Variants in KRT86 observed in about 807,000 individuals in gnomAD.
KRT86 encodes the protein keratin, type II cuticular Hb6.
A neutral mutation model predicts 41.2 loss-of-function variants in KRT86; 30 were observed. The ratio of observed to expected loss-of-function variants is 0.73; its 90% confidence interval spans 0.54 to 0.99. The LOEUF (loss-of-function observed/expected upper bound fraction) is 0.99. KRT86 is among the 50% of genes least tolerant of loss of function. The pLI is 0.00. For missense variants in KRT86, 561 were observed against 571.4 expected, an observed-to-expected ratio of 0.98 and a Z score of 0.19; for synonymous variants, 238 against 238.1, an observed-to-expected ratio of 1.00 and a Z score of 0.00.
intron 9 of KRT86, chr12:52,306,704 T>C (rs1174411114): frequency 3.6e-6 from 1 of 280,950 alleles, no homozygotes; most frequent in Non-Finnish European, 6.8e-6. Context: ...TTCAGATAGA[T>C]GACACTATCA....
At chr12:52,296,238 A>G (rs995761681) in intron 2 of KRT86, among the ~76,000 whole-genome samples, 2 of 152,130 alleles carry the variant, frequency 1.3e-5, no homozygotes, top group African/African-American at 4.8e-5. Flanking sequence ...CTTAGGAGAT[A>G]GTCAGGAAGA....
rs898864333 is a variant in KRT86, at chr12:52,308,104, G to A, written c.1248-129G>A. Reference sequence around the variant, plus strand: ...CCCGAGTCTACACTGGCTCCTGGCCGAGAGCATTTCTTGCCCCTTCCCTTG... The same window carrying A: ...CCCGAGTCTACACTGGCTCCTGGCCAAGAGCATTTCTTGCCCCTTCCCTTG... On this transcript the variant is annotated intron_variant, in intron 9 of 10. Transcript: ENST00000423955. 80 of 1,243,850 alleles carry A rather than the reference G, an allele frequency of 6.4e-5. No individual in the cohort carries two copies. The African/African-American group carries it at 1.1e-3, about 17-fold the overall frequency. The allele number at this position is 1,243,850 out of a possible 1,614,324, so 77.1% of individuals were successfully genotyped here.
chr12:52,297,480 C>T (rs1042371320), intron 2 of KRT86, among the ~76,000 whole-genome samples: 10 of 152,144 alleles, frequency 6.6e-5, no homozygotes, highest in African/African-American at 1.9e-4. Context: ...CTAGTCTAAG[C>T]GATCAACTAT....
At chr12:52,285,585 T>C (rs1483235555) in intron 2 of KRT86, among the ~76,000 whole-genome samples, 3 of 152,084 alleles carry the variant, frequency 2.0e-5, no homozygotes, top group Non-Finnish European at 4.4e-5. Flanking sequence ...ACAGCTGCAG[T>C]TTAGTGAAAT....
At chr12:52,280,656 G>A (rs1450717838) in intron 2 of KRT86, among the ~76,000 whole-genome samples, 4 of 152,204 alleles carry the variant, frequency 2.6e-5, no homozygotes, top group Non-Finnish European at 5.9e-5. Flanking sequence ...ACCCTCCTGA[G>A]GGGTAGGGGG....
In KRT86 at chr12:52,305,382, C is replaced by A. The variant is rs376319970; in HGVS notation, c.878C>A (p.Ala293Asp). 233 of 1,614,108 alleles carry A rather than the reference C, an allele frequency of 1.4e-4. No homozygotes were observed. The highest frequency in any genetic ancestry group is 1.9e-4 in the Non-Finnish European group (221 of 1,180,052). The change falls in exon 7 of 11, where the codon GCC becomes GAC. Residue 293 changes from alanine (A) to aspartate (D), a missense_variant. By Grantham distance (126) the Ala-to-Asp change is moderately radical. Coordinates refer to ENST00000423955, the MANE Select transcript of KRT86 (RefSeq NM_001320198.2). ...ATTGTCACCCGTAGCCGGGCTGAGG[C>A]CGAGTCCTGGTACCGCAGCAAGGTG... ...DDIVTRSRAE[A>D]ESWYRSKCEE...
At chr12:52,291,934 G>A (rs1477252763) in intron 2 of KRT86, among the ~76,000 whole-genome samples, 1 of 152,084 alleles carries the variant, frequency 6.6e-6, no homozygotes, top group African/African-American at 2.4e-5. Context: ...GGGGTTTCAG[G>A]AAAGGCTGAG....
At chr12:52,285,274 C>A (rs1937888995) in intron 2 of KRT86, among the ~76,000 whole-genome samples, 1 of 152,020 alleles carries the variant, frequency 6.6e-6, no homozygotes, top group Non-Finnish European at 1.5e-5. Context: ...CCCCTCTATG[C>A]CACATCATCT....
At chr12:52,286,399 G>A (rs750725979) in intron 2 of KRT86, 35 of 1,554,976 alleles carry the variant, frequency 2.3e-5, no homozygotes, top group East Asian at 7.3e-5. Context: ...CCACGTTCCC[G>A]TTGCACGGAG....
intron 2 of KRT86, among the ~76,000 whole-genome samples, chr12:52,299,135 C>CTG (rs1938315130): frequency 6.6e-6 from 1 of 152,186 alleles, no homozygotes; most frequent in African/African-American, 2.4e-5. Flanking sequence ...TGGTAACCAT[C>CTG]ATTCTACTCT....
chr12:52,308,687 C>G lies in KRT86; in HGVS notation c.*102C>G. 8.9e-7 allele frequency: 1 copy of G among 1,126,258 alleles called. No individual in the cohort carries two copies. The highest frequency in any genetic ancestry group is 2.0e-5 in the Admixed American group (1 of 49,122). The allele number at this position is 1,126,258 out of a possible 1,614,324, so 69.8% of individuals were successfully genotyped here. A position where few individuals can be genotyped will look rare whatever the true frequency, so the allele number is the denominator to read the frequency against. On this transcript the variant is annotated 3_prime_UTR_variant, in exon 11 of 11. Coordinates refer to ENST00000423955, the MANE Select transcript of KRT86 (RefSeq NM_001320198.2). ...CCCGCGCCGGCCTCCCAATAGCCGC[C>G]GCCCGCTGCCTGCACTCTAAGCGCC...
chr12:52,306,308 C>T (rs1332216034), intron 9 of KRT86, 28 bp downstream of exon 9: 1 of 1,612,888 alleles, frequency 6.2e-7, no homozygotes, highest in East Asian at 2.2e-5. Flanking sequence ...TTCCCTTTCC[C>T]AGCCCTGCCA....
chr12:52,301,944 C>A lies in KRT86; in HGVS notation c.28C>A (p.Arg10Ser), dbSNP rs758877634. 56 of 1,613,710 alleles carry A rather than the reference C, an allele frequency of 3.5e-5. No individual in the cohort carries two copies. The highest frequency in any genetic ancestry group is 4.4e-5 in the Non-Finnish European group (52 of 1,179,788). Residue 10 changes from arginine (R) to serine (S), a missense_variant, in exon 3 of 11, where the codon CGC becomes AGC. Physicochemically the swap from Arg to Ser is moderately radical, Grantham distance 110. This residue lies in a region of KRT86 where 164 missense variants were observed against 172.5 expected (regional missense o/e 0.95). Transcript: ENST00000423955. MTCGSYCGG[R>S]AFSCISACGP... ...GACTTGTGGATCTTACTGTGGTGGC[C>A]GCGCCTTCAGCTGCATCTCGGCCTG...
Position 52,308,454 on chromosome 12 carries a change from A to G in KRT86, c.1330A>G (p.Thr444Ala), listed in dbSNP as rs1272959992. ...GVVCGDLCAS[T>A]TAPVVSTRVS... ...TGTCTGTGGCGATCTCTGCGCCTCC[A>G]CTACTGCCCCTGTTGTCTCCACCAG... is the stretch of plus-strand genomic sequence containing the variant. Residue 444 changes from threonine (T) to alanine (A), a missense_variant, in exon 11 of 11, where the codon ACT becomes GCT. By Grantham distance (58) the Thr-to-Ala change is moderately conservative. This residue lies in a region of KRT86 where 397 missense variants were observed against 375.9 expected (regional missense o/e 1.06). Transcript: ENST00000423955. 2 of 1,611,718 alleles carry G rather than the reference A, an allele frequency of 1.2e-6. No individual in the cohort carries two copies. The highest frequency in any genetic ancestry group is 1.7e-6 in the Non-Finnish European group (2 of 1,179,798).
chr12:52,288,128 C>T lies in KRT86; in HGVS notation c.-5+12182C>T, dbSNP rs551734514. On this transcript the variant is annotated intron_variant, in intron 2 of 10. Transcript: ENST00000423955. ...CAACCACGGAGGTGTCTGAGATGTGCGACTGGAGAATGAGGATCTCCTGCA... is the reference window on the plus strand; with the variant it reads ...CAACCACGGAGGTGTCTGAGATGTGTGACTGGAGAATGAGGATCTCCTGCA... 26 of 1,613,980 alleles carry T rather than the reference C, an allele frequency of 1.6e-5. No individual in the cohort carries two copies. In the East Asian group the frequency reaches 2.7e-4, roughly 17 times the overall value.
chr12:52,276,170 G>A (rs73307328), intron 2 of KRT86, among the ~76,000 whole-genome samples: 1,829 of 152,320 alleles, frequency 0.012, 30 homozygotes, highest in African/African-American at 0.041. Context: ...AAATCTGTAT[G>A]AAGATATATG....
Position 52,291,228 on chromosome 12 carries a change from T to C in KRT86, c.-4-10685T>C, listed in dbSNP as rs1302625801. Reference sequence around the variant, plus strand: ...AGGAGGCTCTCGTTGACCGACACGGTGGTGATGCATGGGGGACTGGGCCCG... The same window carrying C: ...AGGAGGCTCTCGTTGACCGACACGGCGGTGATGCATGGGGGACTGGGCCCG... On this transcript the variant is annotated intron_variant, in intron 2 of 10. Transcript: ENST00000423955. 4.0e-6 allele frequency: 6 copies of C among 1,482,350 alleles called. No homozygotes were observed. Among genetic ancestry groups the C allele is most frequent in the Admixed American group, 2.1e-5 (1 of 46,852 alleles). The allele number at this position is 1,482,350 out of a possible 1,614,324, so 91.8% of individuals were successfully genotyped here.
chr12:52,293,963 A>G (rs1449655075), intron 2 of KRT86, among the ~76,000 whole-genome samples: 1 of 152,190 alleles, frequency 6.6e-6, no homozygotes. Context: ...AAAAAATAGA[A>G]GAGAATAGGG....
intron 2 of KRT86, among the ~76,000 whole-genome samples, chr12:52,284,701 T>C (rs957573736): frequency 3.5e-4 from 54 of 152,218 alleles, no homozygotes; most frequent in Non-Finnish European, 2.9e-5. Context: ...TAATTTCTAG[T>C]GCCCAGAAGG....
Sources: allele counts gnomAD v4.1 joint callset (sites outside exome capture counted in the v4.1 genomes callset), GRCh38; gene constraint gnomAD v4.1.1; regional missense constraint gnomAD v4.1.1; transcripts MANE v1.5; gene names NCBI Gene and HGNC (gene_info 2026-07-23, HGNC 2026-07-21).